OPHN1: variants seen among roughly 807,000 people sequenced by gnomAD.
The protein encoded by OPHN1 is oligophrenin-1.
OPHN1 carries 11 observed loss-of-function variants against 60.7 expected under a neutral mutation model. The observed-to-expected ratio is 0.18, with a 90% confidence interval of 0.11 to 0.30. The LOEUF (loss-of-function observed/expected upper bound fraction) is 0.30, where lower values mean the gene tolerates loss of function less well. OPHN1 is among the 10% of genes least tolerant of loss of function. OPHN1 has a pLI of 1.00. For missense variants in OPHN1, 449 were observed against 611.0 expected (o/e 0.73, Z 2.80); for synonymous variants, 226 against 222.6 (o/e 1.02, Z -0.14).
At chrX:68,115,993 T>C (rs776567696) in intron 16 of OPHN1, among the ~76,000 whole-genome samples, 63 of 111,950 alleles carry the variant, frequency 5.6e-4, no homozygotes, top group Non-Finnish European at 9.8e-4. Context: ...AAGTGGGGGC[T>C]TCCAGGCTAT....
chrX:68,327,813 A>T (rs1469254608), intron 2 of OPHN1, among the ~76,000 whole-genome samples: 4 of 103,925 alleles, frequency 3.8e-5, no homozygotes, highest in South Asian at 3.8e-4. Flanking sequence ...AAAAAAAAAA[A>T]AAAATTTTAA....
chrX:68,328,075 C>T (rs1430558955), intron 2 of OPHN1, among the ~76,000 whole-genome samples: 1 of 99,712 alleles, frequency 1.0e-5, no homozygotes, highest in South Asian at 4.5e-4. Flanking sequence ...ATGATCCACC[C>T]GCCTCGGCCT....
intron 5 of OPHN1, among the ~76,000 whole-genome samples, chrX:68,261,504 G>T (rs922798415): frequency 2.7e-5 from 3 of 110,971 alleles, no homozygotes; most frequent in African/African-American, 9.9e-5. Context: ...GAAGTTGCAT[G>T]ATTATAGGAA....
At chrX:68,111,354 A>G (rs771359682) in intron 18 of OPHN1, among the ~76,000 whole-genome samples, 2 of 112,504 alleles carry the variant, frequency 1.8e-5, no homozygotes, top group South Asian at 7.4e-4. Flanking sequence ...CACCAGGACT[A>G]TTCTCCAGGA....
chrX:68,302,801 G>A (rs1167558433), intron 2 of OPHN1, among the ~76,000 whole-genome samples: 4 of 109,999 alleles, frequency 3.6e-5, no homozygotes, highest in Non-Finnish European at 1.9e-5. Context: ...GTGCAAGCCT[G>A]TAGTCCTAGC....
intron 2 of OPHN1, among the ~76,000 whole-genome samples, chrX:68,324,695 G>A (rs1234077275): frequency 9.1e-6 from 1 of 109,465 alleles, no homozygotes; most frequent in Non-Finnish European, 1.9e-5. Context: ...AACTAAACAT[G>A]TAAATTACCT....
intron 2 of OPHN1, among the ~76,000 whole-genome samples, chrX:68,312,252 ATT>A (rs1238021221): frequency 1.3e-4 from 9 of 69,798 alleles, no homozygotes; most frequent in East Asian, 4.1e-4. Flanking sequence ...GGCTCGGCTA[ATT>A]TTTTTTTTTT....
chrX:68,169,944 A>C (rs2077381332), intron 15 of OPHN1, among the ~76,000 whole-genome samples: 1 of 108,648 alleles, frequency 9.2e-6, no homozygotes, highest in African/African-American at 3.4e-5. Context: ...ATCTAATTAA[A>C]CTAAAGAGCT....
intron 2 of OPHN1, among the ~76,000 whole-genome samples, chrX:68,347,574 T>G (rs1283892076): frequency 9.0e-6 from 1 of 110,849 alleles, no homozygotes; most frequent in Non-Finnish European, 1.9e-5. Context: ...TGCCTCAGCC[T>G]CCCAAAAAGG....
intron 2 of OPHN1, among the ~76,000 whole-genome samples, chrX:68,393,885 G>GTTTGTTTTT (rs2078667077): frequency 4.3e-4 from 15 of 34,587 alleles, no homozygotes; most frequent in Non-Finnish European, 6.9e-4. Flanking sequence ...AATAGACTTT[G>GTTTGTTTTT]TTTTTTTTTT....
chrX:68,353,265 C>T (rs957986680), intron 2 of OPHN1, among the ~76,000 whole-genome samples: 1 of 108,677 alleles, frequency 9.2e-6, no homozygotes, highest in African/African-American at 3.4e-5. Flanking sequence ...ATAAAATTCA[C>T]CTATTTAAAG....
At chrX:68,377,245 C>T (rs1478610220) in intron 2 of OPHN1, among the ~76,000 whole-genome samples, 1 of 107,600 alleles carries the variant, frequency 9.3e-6, no homozygotes, top group Non-Finnish European at 1.9e-5. Flanking sequence ...TACAGGCGCC[C>T]GCTACCACGC....
At chrX:68,205,979 A>AGTGTGTGTGTGTGTGTGTGTGT (rs1228949782) in intron 10 of OPHN1, among the ~76,000 whole-genome samples, 1 of 91,213 alleles carries the variant, frequency 1.1e-5, no homozygotes, top group Non-Finnish European at 2.1e-5. Flanking sequence ...AGTGTGTGTG[A>AGTGTGTGTGTGTGTGTGTGTGT]GTGTGTGTGT....
At chrX:68,299,820 C>T (rs368442912) in intron 2 of OPHN1, among the ~76,000 whole-genome samples, 1 of 111,166 alleles carries the variant, frequency 9.0e-6, no homozygotes. Context: ...TCATGTTTAG[C>T]TATACTTTTG....
At chrX:68,256,295 CA>C (rs2077863177) in intron 5 of OPHN1, among the ~76,000 whole-genome samples, 1 of 111,696 alleles carries the variant, frequency 9.0e-6, no homozygotes, top group African/African-American at 3.3e-5. Context: ...CCATCTTGAA[CA>C]TATCTAGTCT....
chrX:68,278,958 C>A (rs1050047964), intron 4 of OPHN1, among the ~76,000 whole-genome samples: 1 of 109,205 alleles, frequency 9.2e-6, no homozygotes, highest in South Asian at 4.1e-4. Flanking sequence ...ATGGGGGCCT[C>A]TTTAGGTCAC....
chrX:68,284,107 C>CA (rs2078030331), intron 3 of OPHN1, among the ~76,000 whole-genome samples: 1 of 111,522 alleles, frequency 9.0e-6, no homozygotes, highest in Admixed American at 9.6e-5. Context: ...AGAAAAGAGT[C>CA]AGAGATTTTA....
chrX:68,358,481 G>C (rs2147714375), intron 2 of OPHN1, among the ~76,000 whole-genome samples: 1 of 111,948 alleles, frequency 8.9e-6, no homozygotes, highest in African/African-American at 3.2e-5. Flanking sequence ...ACTGAATTTT[G>C]AAGTTTGTCT....
intron 15 of OPHN1, among the ~76,000 whole-genome samples, chrX:68,174,821 C>A (rs1219041671): frequency 9.0e-6 from 1 of 110,519 alleles, no homozygotes; most frequent in African/African-American, 3.3e-5. Flanking sequence ...CAGTGGCTCA[C>A]ACCTGTAATC....
Sources: allele counts gnomAD v4.1 joint callset (sites outside exome capture counted in the v4.1 genomes callset), GRCh38; gene constraint gnomAD v4.1.1; transcripts MANE v1.5; gene names NCBI Gene and HGNC (gene_info 2026-07-23, HGNC 2026-07-21).